The following BRAF variants were observed in gnomAD, a reference collection of about 807,000 sequenced individuals.
BRAF encodes serine/threonine-protein kinase B-raf.
Under a neutral mutation model 104.6 loss-of-function variants are expected in BRAF, and 16 were observed. The observed-to-expected ratio is 0.15, with a 90% CI of 0.10 to 0.23. The LOEUF (loss-of-function observed/expected upper bound fraction) is 0.23. Among genes scored for constraint, BRAF ranks in the 10% least tolerant of loss-of-function variants. The pLI, the probability that BRAF is intolerant of heterozygous loss-of-function variation, is 1.00. For missense variants in BRAF, 541 were observed against 937.3 expected, an observed-to-expected ratio of 0.58 and a Z score of 5.52; for synonymous variants, 310 against 341.6, an observed-to-expected ratio of 0.91 and a Z score of 1.02.
intron 3 of BRAF, 95 bp downstream of exon 3, chr7:140,834,514 T>A (rs1324361966): frequency 1.3e-6 from 2 of 1,526,230 alleles, no homozygotes; most frequent in Non-Finnish European, 1.8e-6. Flanking sequence ...TTGCATGACC[T>A]CTGAGTATGA....
intron 2 of BRAF, among the ~76,000 whole-genome samples, chr7:140,840,518 C>T (rs1273633647): frequency 6.6e-6 from 1 of 151,892 alleles, no homozygotes; most frequent in Non-Finnish European, 1.5e-5. Context: ...TGGCCAGGTG[C>T]GGTGGCTCAT....
In BRAF at chr7:140,723,318, C is replaced by T; in HGVS notation, c.*3176G>A. The T allele has an allele frequency of 2.8e-6, 3 of 1,055,876 alleles. No homozygotes were observed. The highest frequency in any genetic ancestry group is 2.3e-6 in the Non-Finnish European group (2 of 873,424). The allele number at this position is 1,055,876 out of a possible 1,614,324, so 65.4% of individuals were successfully genotyped here. ...ACAAAGTTTCAGGTTGACAGTGCTG[C>T]AGTCTTGAATTATTTCTTTATATAC... On this transcript the variant is annotated 3_prime_UTR_variant, in exon 20 of 20. Transcript: ENST00000644969.
rs1197926003 is a variant in BRAF at position 140,721,637 on chromosome 7, C to G, written c.*4857G>C. Reference sequence around the variant, plus strand: ...ATCATCACCTGAGGCAGAGATGCTACTACCCTCTTCTGGGGCTCAACTACC... The same window carrying G: ...ATCATCACCTGAGGCAGAGATGCTAGTACCCTCTTCTGGGGCTCAACTACC... On this transcript the variant is annotated 3_prime_UTR_variant, in exon 20 of 20. Transcript: ENST00000644969. 1 of 1,535,896 alleles carries G rather than the reference C, an allele frequency of 6.5e-7. No individual in the cohort carries two copies. The highest frequency in any genetic ancestry group is 8.7e-7 in the Non-Finnish European group (1 of 1,146,684).
intron 1 of BRAF, among the ~76,000 whole-genome samples, chr7:140,919,521 G>A (rs555698334): frequency 2.0e-4 from 30 of 151,968 alleles, no homozygotes; most frequent in African/African-American, 6.8e-4. Flanking sequence ...GAGGGTAGGG[G>A]GGAAAAATAA....
In BRAF at chr7:140,724,092, G is replaced by C; in HGVS notation, c.*2402C>G. ...CATTTGAGATCAAGTCTGCTCCCCC[G>C]TTCAAATGAGATACCAGCCTATTCT... On this transcript the variant is annotated 3_prime_UTR_variant, in exon 20 of 20. Transcript: ENST00000644969. 2 of 1,048,500 alleles carry C rather than the reference G, an allele frequency of 1.9e-6. No individual in the cohort carries two copies. Among genetic ancestry groups the C allele is most frequent in the Non-Finnish European group, 2.3e-6 (2 of 868,756 alleles). The allele number at this position is 1,048,500 out of a possible 1,614,324, so 64.9% of individuals were successfully genotyped here. A position where few individuals can be genotyped will look rare whatever the true frequency, so the allele number is the denominator to read the frequency against.
At chr7:140,877,289 G>A (rs1444233042) in intron 1 of BRAF, among the ~76,000 whole-genome samples, 3 of 85,442 alleles carry the variant, frequency 3.5e-5, no homozygotes, top group Non-Finnish European at 4.0e-5. Flanking sequence ...GTTTTTTTAA[G>A]AGATGGGGGG....
chr7:140,874,716 A>T (rs570568808), intron 1 of BRAF, among the ~76,000 whole-genome samples: 21 of 152,260 alleles, frequency 1.4e-4, no homozygotes, highest in African/African-American at 4.6e-4. Flanking sequence ...GGATTAAAAT[A>T]AAATGAACAG....
At chr7:140,865,106 GTC>G (rs1294966679) in intron 1 of BRAF, among the ~76,000 whole-genome samples, 3 of 149,900 alleles carry the variant, frequency 2.0e-5, no homozygotes, top group Non-Finnish European at 4.4e-5. Context: ...CTGAGACAGA[GTC>G]TCATTCTGTT....
chr7:140,781,678 G>T lies in BRAF; in HGVS notation c.1450C>A (p.Arg484=), dbSNP rs121913371. ...DRNRMKTLGR[R]DSSDDWEIPD... is the part of the protein sequence containing the mutation. ...ATCTCCCAATCATCACTCGAGTCCC[G>T]TCTACCAAGTGTTTTCTTGATAAAA... Residue 484 remains arginine, a synonymous_variant, in exon 12 of 20, where the codon CGG becomes AGG. Transcript: ENST00000644969. The T allele has an allele frequency of 3.7e-5, 59 of 1,613,628 alleles. No homozygotes were observed. The highest frequency in any genetic ancestry group is 4.9e-5 in the Non-Finnish European group (58 of 1,179,788).
chr7:140,893,988 G>A (rs1323575500), intron 1 of BRAF, among the ~76,000 whole-genome samples: 1 of 152,118 alleles, frequency 6.6e-6, no homozygotes, highest in Non-Finnish European at 1.5e-5. Flanking sequence ...CAAAAAATTA[G>A]CCAGGTGTGG....
At position 140,834,771 on chromosome 7, in the gene BRAF, A is replaced by G. The variant is rs758557506; in HGVS notation, c.342T>C (p.Ser114=). The G allele has an allele frequency of 5.6e-6, 9 of 1,614,222 alleles. No individual in the cohort carries two copies. The highest frequency in any genetic ancestry group is 3.3e-4 in the Middle Eastern group (2 of 6,062). The change falls in exon 3 of 20, where the codon TCT becomes TCC. Residue 114 remains serine, a synonymous_variant. Transcript: ENST00000644969. ...AAGATGTAACGGTATCCATTGATGC[A>G]GAGCTAGAAACAGAAAAATCAGTTC... ...GNGTDFSVSS[S]ASMDTVTSSS...
chr7:140,872,014 C>T (rs1240913738), intron 1 of BRAF, among the ~76,000 whole-genome samples: 2 of 151,910 alleles, frequency 1.3e-5, no homozygotes, highest in African/African-American at 2.4e-5. Context: ...GTCAGGAGTT[C>T]GAGACTAGCC....
At chr7:140,761,389 C>T (rs900936950) in intron 14 of BRAF, among the ~76,000 whole-genome samples, 1 of 152,032 alleles carries the variant, frequency 6.6e-6, no homozygotes, top group Non-Finnish European at 1.5e-5. Flanking sequence ...CTGAAGGAAG[C>T]ACTAAACATG....
chr7:140,924,454 C>A lies in BRAF; in HGVS notation c.138+112G>T, dbSNP rs939114693. On this transcript the variant is annotated intron_variant, in intron 1 of 19. Coordinates refer to ENST00000644969, the MANE Select transcript of BRAF (RefSeq NM_001374258.1). This position sits in a 1 kb window ranked among gnomAD's most constrained non-coding sequence, Gnocchi z 4.2. The stretch of plus-strand genomic sequence containing the variant: ...CACCTCCCAGCCCGCGGAGCTGGCC[C>A]GAGAAGGTGGCTGAGGGCATCAAGC... 6.1e-6 allele frequency: 9 copies of A among 1,468,570 alleles called. No individual in the cohort carries two copies. In the African/African-American group the frequency reaches 1.1e-4, roughly 18 times the overall value. The allele number at this position is 1,468,570 out of a possible 1,614,324, so 91.0% of individuals were successfully genotyped here.
At chr7:140,762,283 A>C (rs568620913) in intron 14 of BRAF, among the ~76,000 whole-genome samples, 1 of 152,350 alleles carries the variant, frequency 6.6e-6, no homozygotes, top group African/African-American at 2.4e-5. Flanking sequence ...CTGCTCCTGA[A>C]TGACTACTGG....
chr7:140,798,262 C>CTTTTTTTTCCTT lies in BRAF; in HGVS notation c.980+2099_980+2100insAAGGAAAAAAAA, dbSNP rs1554402845. On this transcript the variant is annotated intron_variant, in intron 7 of 19. Coordinates refer to ENST00000644969, the MANE Select transcript of BRAF (RefSeq NM_001374258.1). Reference sequence around the variant, plus strand: ...TCTAGGACAGAATGCTGTATGGGGACTTTTTTTTTCTTTTTTTTGAGACGG... The same window carrying CTTTTTTTTCCTT: ...TCTAGGACAGAATGCTGTATGGGGACTTTTTTTTCCTTTTTTTTTTTCTTTTTTTTGAGACGG... Among the ~76,000 whole-genome samples the CTTTTTTTTCCTT allele has an allele frequency of 6.1e-3, 199 of 32,552 alleles. 10 individuals are homozygous for CTTTTTTTTCCTT. Among genetic ancestry groups the CTTTTTTTTCCTT allele is most frequent in the South Asian group, 0.056 (72 of 1,286 alleles). The allele number at this position is 32,552 out of a possible 152,430, so 21.4% of individuals were successfully genotyped here.
chr7:140,763,128 C>T (rs1378729695), intron 14 of BRAF, among the ~76,000 whole-genome samples: 2 of 152,230 alleles, frequency 1.3e-5, no homozygotes, highest in Non-Finnish European at 2.9e-5. Context: ...TTGGGTACAC[C>T]TCCCAGACGG....
Position 140,807,844 on chromosome 7 carries a change from A to C in BRAF, c.711+116T>G, listed in dbSNP as rs533886017. The C allele has an allele frequency of 1.9e-5, 14 of 720,260 alleles. No homozygotes were observed. The East Asian group carries it at 3.6e-4, about 18-fold the overall frequency. 44.6% of individuals were successfully genotyped at this position (720,260 alleles called of 1,614,324 possible). On this transcript the variant is annotated intron_variant, in intron 5 of 19. Transcript: ENST00000644969. ...TAAAGAAAACAACTGATTTCAACTC[A>C]GGTAAAATGTCAGTTCCAAAATTAC...
chr7:140,881,099 G>A (rs1812853002), intron 1 of BRAF, among the ~76,000 whole-genome samples: 1 of 152,062 alleles, frequency 6.6e-6, no homozygotes. Flanking sequence ...CTGAGCAGGG[G>A]GTCTCAACAG....
Sources: allele counts gnomAD v4.1 joint callset (sites outside exome capture counted in the v4.1 genomes callset), GRCh38; gene constraint gnomAD v4.1.1; non-coding constraint Gnocchi (gnomAD v3.1); transcripts MANE v1.5; gene names NCBI Gene and HGNC (gene_info 2026-07-23, HGNC 2026-07-21).